Variants in HIPK2 observed in about 807,000 individuals in gnomAD.
The protein encoded by HIPK2 is homeodomain-interacting protein kinase 2.
In HIPK2, 27 loss-of-function variants were observed where a neutral mutation model predicts 113.7. The observed-to-expected ratio is 0.24, with a 90% confidence interval of 0.17 to 0.33. The LOEUF is 0.33. HIPK2 is among the 10% of genes least tolerant of loss of function. HIPK2 has a pLI of 1.00. For synonymous variants in HIPK2, 631 were observed against 642.2 expected, an observed-to-expected ratio of 0.98 and a Z score of 0.26; for missense variants, 1,257 against 1,588.0, an observed-to-expected ratio of 0.79 and a Z score of 3.54.
At chr7:139,763,432 A>G (rs1585464212) in intron 1 of HIPK2, among the ~76,000 whole-genome samples, 1 of 149,504 alleles carries the variant, frequency 6.7e-6, no homozygotes, top group Middle Eastern at 3.5e-3. Flanking sequence ...CCAAATTCAA[A>G]CCCAAGTCTG....
rs1217838801 is a variant in HIPK2 at position 139,723,197 on chromosome 7, T to C, written c.20-6182A>G. Among the ~76,000 whole-genome samples the C allele has an allele frequency of 1.6e-4, 19 of 119,384 alleles. No individual in the cohort carries two copies. The East Asian group carries it at 3.6e-3, about 23-fold the overall frequency. 78.3% of individuals were successfully genotyped at this position (119,384 alleles called of 152,430 possible). A position where few individuals can be genotyped will look rare whatever the true frequency, so the allele number is the denominator to read the frequency against. On this transcript the variant is annotated intron_variant, in intron 1 of 14. Coordinates refer to ENST00000406875, the MANE Select transcript of HIPK2 (RefSeq NM_022740.5). Reference sequence around the variant, plus strand: ...AGTTACGGTTTTTTTCTTTCTTCTTTTTTTTTTTTTTTTGAGACAGAGTTT... The same window carrying C: ...AGTTACGGTTTTTTTCTTTCTTCTTCTTTTTTTTTTTTTGAGACAGAGTTT...
At chr7:139,591,657 G>T (rs1377258360) in intron 12 of HIPK2, among the ~76,000 whole-genome samples, 1 of 152,234 alleles carries the variant, frequency 6.6e-6, no homozygotes, top group East Asian at 1.9e-4. Context: ...ATGGAGCCCT[G>T]TAAAGAGGGT....
intron 1 of HIPK2, among the ~76,000 whole-genome samples, chr7:139,766,136 G>C (rs149932570): frequency 9.2e-5 from 14 of 152,280 alleles, no homozygotes; most frequent in African/African-American, 2.9e-4. Flanking sequence ...GCCTGGAGTC[G>C]ATCCCATCTC....
chr7:139,586,984 T>G (rs765764513), intron 12 of HIPK2, among the ~76,000 whole-genome samples: 4 of 152,000 alleles, frequency 2.6e-5, no homozygotes, highest in Non-Finnish European at 5.9e-5. Flanking sequence ...AGTTTTTGGT[T>G]GGGGTAGTGG....
intron 2 of HIPK2, among the ~76,000 whole-genome samples, chr7:139,636,413 T>C (rs1158632581): frequency 6.6e-6 from 1 of 152,088 alleles, no homozygotes; most frequent in East Asian, 1.9e-4. Flanking sequence ...TCCTAATTCC[T>C]GGCACCTTGG....
intron 2 of HIPK2, among the ~76,000 whole-genome samples, chr7:139,690,064 G>A (rs1228630417): frequency 2.6e-5 from 4 of 151,312 alleles, no homozygotes; most frequent in South Asian, 2.1e-4. Context: ...CGGTGGGGGC[G>A]GGGGTGGGGG....
chr7:139,681,345 C>A (rs896504924), intron 2 of HIPK2, among the ~76,000 whole-genome samples: 1 of 152,184 alleles, frequency 6.6e-6, no homozygotes, highest in Admixed American at 6.5e-5. Context: ...AGGGAGGACA[C>A]AGCCCACTTC....
At chr7:139,651,082 C>T (rs142136384) in intron 2 of HIPK2, among the ~76,000 whole-genome samples, 14 of 152,312 alleles carry the variant, frequency 9.2e-5, no homozygotes, top group East Asian at 5.8e-4. Flanking sequence ...GGAGGGAGCA[C>T]GCAGAGAAGC....
Position 139,629,001 on chromosome 7 carries a change from T to G in HIPK2, c.1386A>C (p.Ser462=). Residue 462 remains serine, a synonymous_variant, in exon 5 of 15, where the codon TCA becomes TCC. Transcript: ENST00000406875. ...DDHEAETGIK[S]KEARKYIFNC... The stretch of plus-strand genomic sequence containing the variant: ...TGAAAATGTACTTTCTTGCTTCTTT[T>G]GACTTAATCCCTGTCTCTGCTTCAT... 1 of 1,596,314 alleles carries G rather than the reference T, an allele frequency of 6.3e-7. No individual in the cohort carries two copies. Among genetic ancestry groups the G allele is most frequent in the Non-Finnish European group, 8.5e-7 (1 of 1,169,816 alleles).
intron 1 of HIPK2, among the ~76,000 whole-genome samples, chr7:139,719,114 G>A (rs759163104): frequency 3.3e-5 from 5 of 151,896 alleles, no homozygotes; most frequent in African/African-American, 4.8e-5. Context: ...CTGTGTGCTC[G>A]GGTGGTTCCT....
chr7:139,639,581 TGGA>T lies in HIPK2; in HGVS notation c.1104-7859_1104-7857del, dbSNP rs1800933522. Among the ~76,000 whole-genome samples the T allele has an allele frequency of 2.0e-5, 3 of 152,086 alleles. No homozygotes were observed. The South Asian group carries it at 6.2e-4, about 32-fold the overall frequency. On this transcript the variant is annotated intron_variant, in intron 2 of 14. Transcript: ENST00000406875. ...CATAGTACACAAAGATGGGGGAAAT[TGGA>T]GGAGGAGAGAGAAAGCAGGATGGGC...
intron 1 of HIPK2, among the ~76,000 whole-genome samples, chr7:139,732,132 G>C (rs1222663788): frequency 2.0e-5 from 3 of 152,218 alleles, no homozygotes; most frequent in Non-Finnish European, 4.4e-5. Flanking sequence ...AATGTGCTTT[G>C]TAAACTATAA....
chr7:139,671,081 A>C (rs958384751), intron 2 of HIPK2, among the ~76,000 whole-genome samples: 2 of 152,178 alleles, frequency 1.3e-5, no homozygotes, highest in African/African-American at 4.8e-5. Flanking sequence ...TTTTAAAGCC[A>C]ATTTTAAATA....
intron 2 of HIPK2, among the ~76,000 whole-genome samples, chr7:139,713,693 G>A (rs1795136344): frequency 6.6e-6 from 1 of 152,228 alleles, no homozygotes; most frequent in Admixed American, 6.5e-5. Context: ...AGCCCTAGCA[G>A]CCAAGTCAGG....
chr7:139,691,927 G>C (rs1794418667), intron 2 of HIPK2, among the ~76,000 whole-genome samples: 1 of 152,124 alleles, frequency 6.6e-6, no homozygotes, highest in Non-Finnish European at 1.5e-5. Flanking sequence ...TTGGGGAATA[G>C]AAATATACGT....
chr7:139,584,661 G>A (rs781203427), intron 12 of HIPK2, among the ~76,000 whole-genome samples: 1 of 152,358 alleles, frequency 6.6e-6, no homozygotes, highest in South Asian at 2.1e-4. Context: ...AGCTAGAGTT[G>A]ACACCCTCTG....
At chr7:139,771,503 T>G (rs182963697) in intron 1 of HIPK2, among the ~76,000 whole-genome samples, 46 of 152,204 alleles carry the variant, frequency 3.0e-4, no homozygotes, top group Admixed American at 6.5e-4. Flanking sequence ...CAGGGCTGCG[T>G]AAGTTATAAC....
At chr7:139,577,316 C>A (rs113860217) in intron 13 of HIPK2, among the ~76,000 whole-genome samples, 1 of 151,670 alleles carries the variant, frequency 6.6e-6, no homozygotes, top group African/African-American at 2.4e-5. Flanking sequence ...GCCTGGCTAA[C>A]TTTTTTGTAT....
At chr7:139,743,796 G>A (rs1439580404) in intron 1 of HIPK2, among the ~76,000 whole-genome samples, 3 of 152,194 alleles carry the variant, frequency 2.0e-5, no homozygotes, top group Non-Finnish European at 2.9e-5. Flanking sequence ...AAGTGTCTGG[G>A]CAGTTAGTTC....
Sources: gnomAD v4.1 joint callset for allele counts (sites outside exome capture counted in the v4.1 genomes callset) on GRCh38, gnomAD v4.1.1 for gene constraint, MANE v1.5 for transcripts, NCBI Gene and HGNC (gene_info 2026-07-23, HGNC 2026-07-21) for gene names.